The following SPOCK3 variants were observed in gnomAD, a reference collection of about 807,000 sequenced individuals.
SPOCK3 encodes the protein testican-3.
Under a neutral mutation model 56.6 loss-of-function variants are expected in SPOCK3, and 30 were observed. The ratio of observed to expected loss-of-function variants is 0.53; its 90% CI spans 0.40 to 0.72. SPOCK3 has a LOEUF of 0.72. SPOCK3 is among the 30% of genes least tolerant of loss of function. The pLI is 0.00. For missense variants in SPOCK3, 527 were observed against 530.0 expected (o/e 0.99, Z 0.06); for synonymous variants, 196 against 183.3 (o/e 1.07, Z -0.56).
At position 166,734,406 on chromosome 4, in the gene SPOCK3, CTT is replaced by C. The variant is rs1384113981; in HGVS notation, c.*513_*514del. 1 of 152,034 alleles carries C rather than the reference CTT, an allele frequency of 6.6e-6. No individual in the cohort carries two copies. Among genetic ancestry groups the C allele is most frequent in the African/African-American group, 2.4e-5 (1 of 41,422 alleles). The allele number at this position is 152,034 out of a possible 1,614,324, so 9.4% of individuals were successfully genotyped here. On this transcript the variant is annotated 3_prime_UTR_variant, in exon 11 of 11. Transcript: ENST00000357545. ...ACAATTGAGGACTCTACAATTGTCA[CTT>C]TGTTTTTCTTGCCATGTGGTATCTC...
intron 4 of SPOCK3, among the ~76,000 whole-genome samples, chr4:166,997,989 A>T (rs1360647233): frequency 6.6e-6 from 1 of 152,080 alleles, no homozygotes; most frequent in Admixed American, 6.6e-5. Context: ...AATACACACA[A>T]TCCTCAAATC....
At chr4:167,187,460 C>T (rs1330563022) in intron 2 of SPOCK3, among the ~76,000 whole-genome samples, 1 of 152,036 alleles carries the variant, frequency 6.6e-6, no homozygotes, top group African/African-American at 2.4e-5. Flanking sequence ...ACACCCTACA[C>T]ATTACAATTT....
intron 4 of SPOCK3, among the ~76,000 whole-genome samples, chr4:166,914,545 C>T (rs186209507): frequency 1.3e-3 from 205 of 152,192 alleles, no homozygotes; most frequent in African/African-American, 4.5e-3. Flanking sequence ...CCGAGACAGG[C>T]GGATCACCTG....
chr4:167,125,820 C>T (rs1330212676), intron 2 of SPOCK3, among the ~76,000 whole-genome samples: 1 of 152,190 alleles, frequency 6.6e-6, no homozygotes, highest in South Asian at 2.1e-4. Flanking sequence ...GTGTTGGTGA[C>T]TGATGCTGTT....
chr4:166,781,063 A>G (rs544134306), intron 7 of SPOCK3, among the ~76,000 whole-genome samples: 2 of 152,320 alleles, frequency 1.3e-5, no homozygotes, highest in South Asian at 4.1e-4. Flanking sequence ...ACTAAAAGCC[A>G]TGCAAAAGAA....
chr4:166,880,279 G>A (rs184061528), intron 6 of SPOCK3, among the ~76,000 whole-genome samples: 18 of 152,208 alleles, frequency 1.2e-4, no homozygotes, highest in Admixed American at 9.8e-4. Flanking sequence ...CAAGAGTCAA[G>A]CTCTTTATCT....
intron 4 of SPOCK3, among the ~76,000 whole-genome samples, chr4:166,976,209 G>T (rs13138354): frequency 0.26 from 39,790 of 151,848 alleles, 5,409 homozygotes; most frequent in African/African-American, 0.33. Context: ...CCTTTGTGTT[G>T]CTCAGATCAA....
At chr4:166,946,095 C>A (rs932804459) in intron 4 of SPOCK3, among the ~76,000 whole-genome samples, 1 of 152,176 alleles carries the variant, frequency 6.6e-6, no homozygotes, top group Non-Finnish European at 1.5e-5. Flanking sequence ...ACCATAGGCC[C>A]TGTTTATCTG....
intron 6 of SPOCK3, among the ~76,000 whole-genome samples, chr4:166,794,210 CAAAAAAAAA>C (rs10710162): frequency 1.4e-5 from 1 of 73,612 alleles, no homozygotes; most frequent in Non-Finnish European, 2.5e-5. Flanking sequence ...GGTGATAAGG[CAAAAAAAAA>C]AAAAAAAAAA....
intron 2 of SPOCK3, among the ~76,000 whole-genome samples, chr4:167,134,368 T>C (rs2150387380): frequency 6.6e-6 from 1 of 152,174 alleles, no homozygotes; most frequent in Admixed American, 6.6e-5. Context: ...TAAATTTTCC[T>C]GAAGGAAAAA....
chr4:166,843,640 G>A (rs936433037), intron 6 of SPOCK3, among the ~76,000 whole-genome samples: 1 of 152,138 alleles, frequency 6.6e-6, no homozygotes, highest in African/African-American at 2.4e-5. Context: ...CCTAGCCCTG[G>A]CCCATGCTTG....
At chr4:166,852,991 G>C (rs928074253) in intron 6 of SPOCK3, among the ~76,000 whole-genome samples, 2 of 152,114 alleles carry the variant, frequency 1.3e-5, no homozygotes, top group Admixed American at 6.5e-5. Context: ...GATGTAAGCA[G>C]CTTTCAGTTT....
At chr4:166,946,282 A>T (rs1247373796) in intron 4 of SPOCK3, among the ~76,000 whole-genome samples, 1 of 152,168 alleles carries the variant, frequency 6.6e-6, no homozygotes, top group East Asian at 1.9e-4. Context: ...AGACCCTGCA[A>T]TGGCTCCCCT....
intron 6 of SPOCK3, among the ~76,000 whole-genome samples, chr4:166,809,859 G>T (rs1480414707): frequency 6.6e-6 from 1 of 151,944 alleles, no homozygotes; most frequent in Non-Finnish European, 1.5e-5. Flanking sequence ...GACCATGATG[G>T]AGCAAGACAA....
chr4:167,008,725 AAG>A (rs1749706222), intron 3 of SPOCK3, among the ~76,000 whole-genome samples: 1 of 151,874 alleles, frequency 6.6e-6, no homozygotes, highest in Non-Finnish European at 1.5e-5. Flanking sequence ...ATTCTAAGTG[AAG>A]TAACACAGAA....
In SPOCK3 at chr4:166,861,963, A is replaced by C. The variant is rs373942479; in HGVS notation, c.589+27167T>G. Among the ~76,000 whole-genome samples, 392 of 152,182 alleles carry C rather than the reference A, an allele frequency of 2.6e-3. 2 individuals are homozygous for C. Among genetic ancestry groups the C allele is most frequent in the African/African-American group, 8.8e-3 (364 of 41,544 alleles). On this transcript the variant is annotated intron_variant, in intron 6 of 10. Coordinates refer to ENST00000357545, the MANE Select transcript of SPOCK3 (RefSeq NM_001040159.2). ...TTTAGCAATCCCCAGATAGTATTTT[A>C]TTCCCTTTTGCCCTTCTAGAAATTT...
At chr4:166,775,659 A>G (rs747699987) in intron 7 of SPOCK3, among the ~76,000 whole-genome samples, 1 of 152,228 alleles carries the variant, frequency 6.6e-6, no homozygotes, top group Non-Finnish European at 1.5e-5. Flanking sequence ...GGGACTACCA[A>G]CATTTAGATA....
chr4:166,979,286 C>T (rs1275486406), intron 4 of SPOCK3, among the ~76,000 whole-genome samples: 2 of 152,092 alleles, frequency 1.3e-5, no homozygotes, highest in Non-Finnish European at 2.9e-5. Flanking sequence ...CTTTGCCCCT[C>T]TTTCTCCTGC....
chr4:166,864,888 C>G (rs1440757520), intron 6 of SPOCK3, among the ~76,000 whole-genome samples: 1 of 151,970 alleles, frequency 6.6e-6, no homozygotes, highest in East Asian at 1.9e-4. Context: ...TTCTGAAATT[C>G]TTCCAAATGA....
Sources: allele counts gnomAD v4.1 joint callset (sites outside exome capture counted in the v4.1 genomes callset), GRCh38; gene constraint gnomAD v4.1.1; transcripts MANE v1.5; gene names NCBI Gene and HGNC (gene_info 2026-07-23, HGNC 2026-07-21).